RALYL: variants seen among roughly 807,000 people sequenced by gnomAD.
RALYL encodes the protein RALY RNA binding protein like.
Under a neutral mutation model 35.1 loss-of-function variants are expected in RALYL, and 29 were observed. The observed-to-expected ratio is 0.83, with a 90% CI of 0.61 to 1.13. RALYL has a LOEUF of 1.13. Among genes scored for constraint, RALYL ranks in the 50% most tolerant of loss-of-function variants. The pLI, the probability that RALYL is intolerant of heterozygous loss-of-function variation, is 0.00. For synonymous variants in RALYL, 120 were observed against 127.6 expected (o/e 0.94, Z 0.40); for missense variants, 359 against 360.4 (o/e 1.00, Z 0.03).
intron 2 of RALYL, among the ~76,000 whole-genome samples, chr8:84,603,719 A>G (rs180807734): frequency 5.9e-5 from 9 of 152,216 alleles, no homozygotes; most frequent in African/African-American, 2.2e-4. Context: ...AGACCTAAAT[A>G]ATAAGTAACA....
At chr8:84,402,293 C>G (rs1217869630) in intron 1 of RALYL, among the ~76,000 whole-genome samples, 5 of 152,164 alleles carry the variant, frequency 3.3e-5, no homozygotes, top group African/African-American at 1.2e-4. Flanking sequence ...CTCAACCTAA[C>G]TTTACTTATT....
At chr8:84,558,100 A>G (rs1267113255) in intron 2 of RALYL, among the ~76,000 whole-genome samples, 1 of 152,200 alleles carries the variant, frequency 6.6e-6, no homozygotes, top group Non-Finnish European at 1.5e-5. Context: ...ATAAGTGTAA[A>G]GAAGCTATAC....
chr8:84,593,877 C>T (rs1313780613), intron 2 of RALYL, among the ~76,000 whole-genome samples: 1 of 152,064 alleles, frequency 6.6e-6, no homozygotes, highest in African/African-American at 2.4e-5. Flanking sequence ...AGATTTAACA[C>T]ACCATTATAT....
At chr8:84,850,915 C>G (rs972386124) in intron 5 of RALYL, among the ~76,000 whole-genome samples, 2 of 152,200 alleles carry the variant, frequency 1.3e-5, no homozygotes, top group Non-Finnish European at 2.9e-5. Flanking sequence ...CACATCACAT[C>G]CACTTTCCTC....
intron 6 of RALYL, among the ~76,000 whole-genome samples, chr8:84,869,900 ACAG>A (rs768453789): frequency 6.6e-6 from 1 of 152,210 alleles, no homozygotes; most frequent in Non-Finnish European, 1.5e-5. Context: ...ATCTTATGTC[ACAG>A]CAGAAGGCAC....
At chr8:84,694,042 CTA>C (rs1194195824) in intron 2 of RALYL, among the ~76,000 whole-genome samples, 1 of 151,782 alleles carries the variant, frequency 6.6e-6, no homozygotes, top group Admixed American at 6.6e-5. Flanking sequence ...GAAAGTTCTT[CTA>C]TGATTAGGAA....
At chr8:84,617,362 T>A (rs1820014800) in intron 2 of RALYL, among the ~76,000 whole-genome samples, 1 of 150,640 alleles carries the variant, frequency 6.6e-6, no homozygotes, top group African/African-American at 2.5e-5. Context: ...CAATTGTGAA[T>A]GGGAGTTCAC....
chr8:84,565,598 C>A (rs577022543), intron 2 of RALYL, among the ~76,000 whole-genome samples: 9 of 151,442 alleles, frequency 5.9e-5, no homozygotes, highest in African/African-American at 2.2e-4. Context: ...AAAAATTAAA[C>A]AATAGGATTA....
At chr8:84,641,812 A>T (rs972591448) in intron 2 of RALYL, among the ~76,000 whole-genome samples, 1 of 146,522 alleles carries the variant, frequency 6.8e-6, no homozygotes. Context: ...AAAAAAACTC[A>T]TATACACAAA....
intron 3 of RALYL, among the ~76,000 whole-genome samples, chr8:84,777,575 G>A (rs181341457): frequency 1.5e-4 from 23 of 152,188 alleles, no homozygotes; most frequent in African/African-American, 5.1e-4. Flanking sequence ...ATATGGTGGC[G>A]GCTTGGAAAA....
chr8:84,322,607 A>T (rs1845070890), intron 1 of RALYL, among the ~76,000 whole-genome samples: 1 of 152,100 alleles, frequency 6.6e-6, no homozygotes, highest in South Asian at 2.1e-4. Context: ...CTTAACCAAG[A>T]CTTGACTTTG....
chr8:84,211,211 G>A (rs1237593610), intron 1 of RALYL, among the ~76,000 whole-genome samples: 1 of 152,036 alleles, frequency 6.6e-6, no homozygotes, highest in African/African-American at 2.4e-5. Context: ...GACTGTACCT[G>A]ACCTCTTTCT....
intron 3 of RALYL, among the ~76,000 whole-genome samples, chr8:84,777,209 G>C (rs1248734555): frequency 6.6e-6 from 1 of 152,166 alleles, no homozygotes; most frequent in Admixed American, 6.5e-5. Flanking sequence ...TAGGAAATGT[G>C]CTCGGTTTTC....
At chr8:84,732,233 G>T (rs985343309) in intron 2 of RALYL, among the ~76,000 whole-genome samples, 1 of 151,984 alleles carries the variant, frequency 6.6e-6, no homozygotes, top group Non-Finnish European at 1.5e-5. Flanking sequence ...GCTCTTTTAT[G>T]CTGAGAATTT....
chr8:84,301,794 T>C (rs1054892738), intron 1 of RALYL, among the ~76,000 whole-genome samples: 1 of 152,100 alleles, frequency 6.6e-6, no homozygotes, highest in African/African-American at 2.4e-5. Flanking sequence ...GAAAGTGTTT[T>C]TTATATATAA....
At chr8:84,450,841 T>C (rs1039968258) in intron 1 of RALYL, among the ~76,000 whole-genome samples, 3 of 152,010 alleles carry the variant, frequency 2.0e-5, no homozygotes, top group Admixed American at 1.3e-4. Flanking sequence ...AATTACTCAA[T>C]ATAACAGTTG....
At chr8:84,415,186 A>G (rs1359284070) in intron 1 of RALYL, among the ~76,000 whole-genome samples, 1 of 124,182 alleles carries the variant, frequency 8.1e-6, no homozygotes, top group Admixed American at 7.9e-5. Flanking sequence ...AATGGAAGTT[A>G]TTCTACTTGC....
At chr8:84,343,023 G>A (rs957565009) in intron 1 of RALYL, among the ~76,000 whole-genome samples, 2 of 152,042 alleles carry the variant, frequency 1.3e-5, no homozygotes, top group African/African-American at 4.8e-5. Flanking sequence ...CAGAAGTAAA[G>A]AAGTCACTCT....
At chr8:84,204,496 G>A (rs78537165) in intron 1 of RALYL, among the ~76,000 whole-genome samples, 1,965 of 152,176 alleles carry the variant, frequency 0.013, 17 homozygotes, top group Middle Eastern at 0.024. Flanking sequence ...CTGCCTGCTG[G>A]TTCTACCAGT....
Sources: allele counts gnomAD v4.1 joint callset (sites outside exome capture counted in the v4.1 genomes callset), GRCh38; gene constraint gnomAD v4.1.1; transcripts MANE v1.5; gene names NCBI Gene and HGNC (gene_info 2026-07-23, HGNC 2026-07-21).